Variants in NTM observed in about 807,000 individuals in gnomAD.
NTM encodes the protein IgLON family member 2.
In NTM, 13 loss-of-function variants were observed where a neutral mutation model predicts 42.1. That is an observed-to-expected ratio of 0.31 (90% confidence interval 0.20 to 0.49). NTM has a LOEUF of 0.49. Ranked by LOEUF, NTM falls within the 20% of genes least tolerant of loss-of-function variation. The pLI, the probability that NTM is intolerant of heterozygous loss-of-function variation, is 0.99. For missense variants in NTM, 373 were observed against 452.8 expected (o/e 0.82, Z 1.60); for synonymous variants, 187 against 179.2 (o/e 1.04, Z -0.35).
intron 1 of NTM, among the ~76,000 whole-genome samples, chr11:131,547,354 T>C (rs1309869339): frequency 1.3e-5 from 2 of 152,184 alleles, no homozygotes; most frequent in African/African-American, 2.4e-5. Flanking sequence ...AAGGGGTTAA[T>C]GAGCCAATCC....
At chr11:132,265,519 A>C (rs2093127965) in intron 4 of NTM, among the ~76,000 whole-genome samples, 1 of 152,176 alleles carries the variant, frequency 6.6e-6, no homozygotes, top group African/African-American at 2.4e-5. Flanking sequence ...ATGTTGTACC[A>C]GTTTGGATTC....
chr11:132,269,814 A>G (rs978291372), intron 4 of NTM, among the ~76,000 whole-genome samples: 4 of 152,226 alleles, frequency 2.6e-5, no homozygotes, highest in Admixed American at 6.5e-5. Flanking sequence ...AACTCTGAAC[A>G]TACACCTGAG....
At chr11:131,681,814 A>T (rs1233648092) in intron 1 of NTM, among the ~76,000 whole-genome samples, 5 of 108,710 alleles carry the variant, frequency 4.6e-5, no homozygotes, top group Admixed American at 8.6e-5. Flanking sequence ...TGTGTGTGTG[A>T]GCGTGTGTGT....
At chr11:131,382,417 TA>T (rs1388834121) in intron 1 of NTM, among the ~76,000 whole-genome samples, 1 of 152,116 alleles carries the variant, frequency 6.6e-6, no homozygotes, top group Non-Finnish European at 1.5e-5. Flanking sequence ...CTCAAACTGA[TA>T]GGGGGAACTC....
At chr11:131,534,863 C>T (rs1455697002) in intron 1 of NTM, 2 of 152,264 alleles carry the variant, frequency 1.3e-5, no homozygotes, top group Non-Finnish European at 2.9e-5. Context: ...CCCTTGATGA[C>T]TGGCGTGGAC....
chr11:132,325,269 C>T (rs1278430600), intron 7 of NTM, among the ~76,000 whole-genome samples: 1 of 150,152 alleles, frequency 6.7e-6, no homozygotes, highest in Non-Finnish European at 1.5e-5. Flanking sequence ...GCAACCTACT[C>T]ATCTGACAAA....
chr11:131,886,458 G>A (rs1222133193), intron 1 of NTM, among the ~76,000 whole-genome samples: 1 of 152,222 alleles, frequency 6.6e-6, no homozygotes, highest in Non-Finnish European at 1.5e-5. Context: ...TGCTGGGGCA[G>A]CAGTTCATTA....
chr11:131,693,376 C>T (rs56890280), intron 1 of NTM, among the ~76,000 whole-genome samples: 3,693 of 152,264 alleles, frequency 0.024, 153 homozygotes, highest in African/African-American at 0.083. Context: ...GACAGCCTGA[C>T]GGATAGCAAC....
chr11:131,894,462 T>C (rs1029089900), intron 1 of NTM, among the ~76,000 whole-genome samples: 4 of 152,138 alleles, frequency 2.6e-5, no homozygotes, highest in African/African-American at 9.7e-5. Flanking sequence ...GTATGGCAGC[T>C]CTGAAAAGCA....
At chr11:132,145,251 G>C (rs1169796141) in intron 2 of NTM, among the ~76,000 whole-genome samples, 1 of 152,244 alleles carries the variant, frequency 6.6e-6, no homozygotes, top group African/African-American at 2.4e-5. Flanking sequence ...GGGTAAGAGT[G>C]TCAACCTCAT....
chr11:131,781,335 AT>A (rs2088079386), intron 1 of NTM, among the ~76,000 whole-genome samples: 1 of 152,164 alleles, frequency 6.6e-6, no homozygotes, highest in African/African-American at 2.4e-5. Flanking sequence ...ATTTAAGTTC[AT>A]AAAAACAAAT....
At chr11:131,408,758 T>G (rs1213308146) in intron 1 of NTM, among the ~76,000 whole-genome samples, 1 of 152,200 alleles carries the variant, frequency 6.6e-6, no homozygotes, top group Non-Finnish European at 1.5e-5. Flanking sequence ...TATTCTCAGC[T>G]AAATCACTCC....
intron 4 of NTM, among the ~76,000 whole-genome samples, chr11:132,275,534 A>T (rs115570810): frequency 6.7e-6 from 1 of 150,328 alleles, no homozygotes; most frequent in East Asian, 1.9e-4. Context: ...TTTTTTGCTC[A>T]TTCTGCATAC....
In NTM at chr11:132,163,947, C is replaced by T. The variant is rs115546327; in HGVS notation, c.400+17433C>T. 3.0e-3 allele frequency among the ~76,000 whole-genome samples: 463 copies of T among 152,110 alleles called. 2 individuals are homozygous for T. Among genetic ancestry groups the T allele is most frequent in the African/African-American group, 0.011 (444 of 41,496 alleles). On this transcript the variant is annotated intron_variant, in intron 3 of 8. Transcript: ENST00000683400. ...TTCTGTTGTTTACCCATGTTGAGAA[C>T]CACTGTCCTAATTTACAGATGGGAA... is the stretch of plus-strand genomic sequence containing the variant.
At chr11:131,657,663 T>G (rs1431828971) in intron 1 of NTM, among the ~76,000 whole-genome samples, 1 of 152,214 alleles carries the variant, frequency 6.6e-6, no homozygotes, top group Non-Finnish European at 1.5e-5. Flanking sequence ...AAGGCAGGCA[T>G]CATATCTCTT....
chr11:131,789,636 A>AGAAGAAGAAGAAGAAGAAG lies in NTM; in HGVS notation c.83-121928_83-121927insGAAGAAGAAGAAGAAGAAG, dbSNP rs1555127949. On this transcript the variant is annotated intron_variant, in intron 1 of 8. Transcript: ENST00000683400. ...AAGAAGAAGAAGAAGAAGAAGAAGA[A>AGAAGAAGAAGAAGAAGAAG]AAGAAGAAGAAGAAGAAGAAGAAGA... 2.1e-3 allele frequency among the ~76,000 whole-genome samples: 66 copies of AGAAGAAGAAGAAGAAGAAG among 30,898 alleles called. 10 individuals are homozygous for AGAAGAAGAAGAAGAAGAAG. Among genetic ancestry groups the AGAAGAAGAAGAAGAAGAAG allele is most frequent in the Non-Finnish European group, 2.9e-3 (40 of 13,756 alleles). 20.3% of individuals were successfully genotyped at this position (30,898 alleles called of 152,430 possible). A position where few individuals can be genotyped will look rare whatever the true frequency, so the allele number is the denominator to read the frequency against.
chr11:131,847,388 G>A (rs2136758504), intron 1 of NTM, among the ~76,000 whole-genome samples: 1 of 152,050 alleles, frequency 6.6e-6, no homozygotes, highest in Middle Eastern at 3.4e-3. Context: ...AAGGAGGAGG[G>A]GAAAAGATGG....
chr11:131,522,414 G>A (rs2049879277), intron 1 of NTM, among the ~76,000 whole-genome samples: 3 of 151,346 alleles, frequency 2.0e-5, no homozygotes, highest in Admixed American at 2.0e-4. Flanking sequence ...GCTAATGTAA[G>A]TCTAGAAATA....
At chr11:131,402,164 A>G (rs920078424) in intron 1 of NTM, among the ~76,000 whole-genome samples, 3 of 151,870 alleles carry the variant, frequency 2.0e-5, no homozygotes, top group Admixed American at 1.3e-4. Flanking sequence ...AGCATAGATT[A>G]TATTCCAAAA....
Sources: allele counts gnomAD v4.1 joint callset (sites outside exome capture counted in the v4.1 genomes callset), GRCh38; gene constraint gnomAD v4.1.1; transcripts MANE v1.5; gene names NCBI Gene and HGNC (gene_info 2026-07-23, HGNC 2026-07-21).